ODF2L: variants seen among roughly 807,000 people sequenced by gnomAD.
ODF2L encodes the protein protein BCAP.
In ODF2L, 76 loss-of-function variants were observed where a neutral mutation model predicts 86.3. The observed-to-expected ratio is 0.88, with a 90% CI of 0.73 to 1.07. The LOEUF is 1.07. Among genes scored for constraint, ODF2L ranks in the 50% least tolerant of loss-of-function variants. ODF2L has a pLI of 0.00. For missense variants in ODF2L, 748 were observed against 717.4 expected (o/e 1.04, Z -0.49); for synonymous variants, 241 against 231.3 (o/e 1.04, Z -0.38).
At chr1:86,391,767 A>G (rs1661346803) in intron 1 of ODF2L, among the ~76,000 whole-genome samples, 1 of 152,122 alleles carries the variant, frequency 6.6e-6, no homozygotes, top group African/African-American at 2.4e-5. Context: ...CATCAGAAAA[A>G]CCCTTCTAGA....
At position 86,376,216 on chromosome 1, in the gene ODF2L, A is replaced by G. The variant is rs1232204466; in HGVS notation, c.810+17T>C. 1 of 1,451,078 alleles carries G rather than the reference A, an allele frequency of 6.9e-7. No homozygotes were observed. Among genetic ancestry groups the G allele is most frequent in the Non-Finnish European group, 9.6e-7 (1 of 1,043,782 alleles). 89.9% of individuals were successfully genotyped at this position (1,451,078 alleles called of 1,614,324 possible). ...CATAATAGATCTTTTAATTTTAAAA[A>G]GAATGCATTTACATACCTGATCTCT... On this transcript the variant is annotated intron_variant, in intron 8 of 17. Coordinates refer to ENST00000317336, the Ensembl canonical transcript of ODF2L.
chr1:86,373,247 T>C (rs898161635), intron 8 of ODF2L, among the ~76,000 whole-genome samples: 27 of 151,820 alleles, frequency 1.8e-4, no homozygotes, highest in African/African-American at 6.3e-4. Context: ...TTTTAAACAA[T>C]ATTTCATAAT....
At chr1:86,356,350 A>C in intron 14 of ODF2L, 94 bp downstream of exon 13, 1 of 971,436 alleles carries the variant, frequency 1.0e-6, no homozygotes, top group Non-Finnish European at 1.5e-6. Context: ...GGAATTTAAA[A>C]ATCAAGCCCT....
intron 6 of ODF2L, 108 bp from the exon 7 acceptor site, chr1:86,382,466 A>C: frequency 1.3e-6 from 2 of 1,527,242 alleles, no homozygotes; most frequent in Non-Finnish European, 1.7e-6. Context: ...AACAGCTGAT[A>C]AAAAGCAAAG....
At chr1:86,381,457 C>T (rs565449003) in intron 7 of ODF2L, among the ~76,000 whole-genome samples, 194 of 152,140 alleles carry the variant, frequency 1.3e-3, no homozygotes, top group Non-Finnish European at 2.1e-3. Context: ...CACCCAAACT[C>T]GAGTATGGTT....
At chr1:86,389,702 G>C (rs2093612) in intron 1 of ODF2L, among the ~76,000 whole-genome samples, 48,121 of 151,872 alleles carry the variant, frequency 0.32, 7,749 homozygotes, top group East Asian at 0.41. Context: ...AAATGAAATG[G>C]GAGATACTAC....
intron 1 of ODF2L, among the ~76,000 whole-genome samples, chr1:86,393,058 G>C (rs747890908): frequency 1.6e-4 from 24 of 152,116 alleles, no homozygotes; most frequent in Non-Finnish European, 1.9e-4. Context: ...GGACCATGAT[G>C]CTAGCCATGG....
intron 7 of ODF2L, 94 bp downstream of exon 7, chr1:86,382,147 TA>T: frequency 1.4e-6 from 2 of 1,397,354 alleles, no homozygotes; most frequent in Non-Finnish European, 1.9e-6. Flanking sequence ...CTGTGTATTT[TA>T]AAACCACCAA....
At chr1:86,389,786 T>C (rs1479420540) in intron 1 of ODF2L, among the ~76,000 whole-genome samples, 1 of 152,126 alleles carries the variant, frequency 6.6e-6, no homozygotes, top group African/African-American at 2.4e-5. Context: ...CTAGAAATCC[T>C]AGAGGAGATG....
intron 11 of ODF2L, chr1:86,360,775 CAAAA>C (rs1405689177): frequency 3.9e-6 from 1 of 257,816 alleles, no homozygotes; most frequent in African/African-American, 2.2e-5. Context: ...AATTTACTGA[CAAAA>C]AAACTTGGAA....
At chr1:86,357,011 T>C (rs1658623781) in intron 13 of ODF2L, among the ~76,000 whole-genome samples, 1 of 152,222 alleles carries the variant, frequency 6.6e-6, no homozygotes, top group Non-Finnish European at 1.5e-5. Context: ...ACTCAGATAC[T>C]TACTTAAATT....
intron 11 of ODF2L, among the ~76,000 whole-genome samples, chr1:86,362,860 A>G (rs1659142752): frequency 6.6e-6 from 1 of 152,132 alleles, no homozygotes; most frequent in African/African-American, 2.4e-5. Flanking sequence ...GGGTTTCACC[A>G]TGTTGACCAG....
intron 11 of ODF2L, among the ~76,000 whole-genome samples, chr1:86,363,701 C>T (rs1467169059): frequency 1.3e-5 from 2 of 151,746 alleles, no homozygotes; most frequent in African/African-American, 4.8e-5. Context: ...TATATATATG[C>T]TAAAATATTA....
At chr1:86,388,970 T>G (rs1661134573) in intron 1 of ODF2L, among the ~76,000 whole-genome samples, 1 of 152,146 alleles carries the variant, frequency 6.6e-6, no homozygotes, top group Non-Finnish European at 1.5e-5. Flanking sequence ...TCTCAGGAAT[T>G]TCCATGAAAA....
At chr1:86,359,881 C>CAT (rs1305795058) in intron 12 of ODF2L, among the ~76,000 whole-genome samples, 1 of 152,100 alleles carries the variant, frequency 6.6e-6, no homozygotes, top group East Asian at 1.9e-4. Context: ...CAAGGACCTG[C>CAT]ATAAGTCCCA....
intron 14 of ODF2L, chr1:86,355,315 AG>A: frequency 6.9e-7 from 1 of 1,441,270 alleles, no homozygotes; most frequent in Non-Finnish European, 9.5e-7. Flanking sequence ...TGAGAAGCAA[AG>A]TGAACAAATC....
At chr1:86,354,338 T>A (rs1658371212) in intron 16 of ODF2L, among the ~76,000 whole-genome samples, 192 bp downstream of exon 15, 1 of 152,212 alleles carries the variant, frequency 6.6e-6, no homozygotes, top group Admixed American at 6.5e-5. Flanking sequence ...TTACCATTTA[T>A]CTAGTGAAGT....
exon 18 of ODF2L, chr1:86,352,115 A>T: frequency 9.6e-6 from 14 of 1,460,880 alleles, no homozygotes; most frequent in Non-Finnish European, 1.3e-5. Context: ...CAAATTGTGC[A>T]TGCCAAAAAT....
chr1:86,369,601 T>C (rs76809044), intron 10 of ODF2L, among the ~76,000 whole-genome samples: 5,590 of 152,290 alleles, frequency 0.037, 139 homozygotes, highest in Non-Finnish European at 0.056. Context: ...GTTACAACTT[T>C]GTAAACCTAC....
Sources: allele counts gnomAD v4.1 joint callset (sites outside exome capture counted in the v4.1 genomes callset), GRCh38; gene constraint gnomAD v4.1.1; transcripts MANE v1.5; gene names NCBI Gene and HGNC (gene_info 2026-07-23, HGNC 2026-07-21).